Variants in SEMA6B observed in about 807,000 individuals in gnomAD.
SEMA6B encodes the protein semaphorin-6B.
SEMA6B carries 47 observed loss-of-function variants against 78.6 expected under a neutral mutation model. The observed-to-expected ratio is 0.60, with a 90% confidence interval of 0.47 to 0.76. The LOEUF (loss-of-function observed/expected upper bound fraction) is 0.76. SEMA6B is among the 30% of genes least tolerant of loss of function. SEMA6B has a pLI of 0.00. For missense variants in SEMA6B, 1,213 were observed against 1,269.9 expected (o/e 0.96, Z 0.68); for synonymous variants, 632 against 592.2 (o/e 1.07, Z -0.98).
intron 3 of SEMA6B, 123 bp from the exon 4 acceptor site, chr19:4,557,346 G>GCAACTCTAGCAACT: frequency 1.5e-6 from 1 of 685,624 alleles, no homozygotes; most frequent in Non-Finnish European, 2.5e-6. Context: ...CCTCTGACAC[G>GCAACTCTAGCAACT]AGCAACTCTA....
At chr19:4,557,036 AG>A (rs1465585182) in intron 4 of SEMA6B, 23 bp from the exon 5 acceptor site, 1 of 1,610,134 alleles carries the variant, frequency 6.2e-7, no homozygotes, top group Admixed American at 1.7e-5. Context: ...AGAGCTGGTG[AG>A]GGGGTAACGG....
intron 10 of SEMA6B, among the ~76,000 whole-genome samples, chr19:4,551,991 T>A (rs1419158865): frequency 6.6e-6 from 1 of 152,132 alleles, no homozygotes; most frequent in African/African-American, 2.4e-5. Context: ...TCCTACCAGT[T>A]CCCTGCTTTC....
chr19:4,553,520 A>C (rs972538787), intron 9 of SEMA6B, among the ~76,000 whole-genome samples: 21 of 141,334 alleles, frequency 1.5e-4, no homozygotes, highest in Non-Finnish European at 1.5e-4. Context: ...GGGCAGATAA[A>C]TGGATGGATA....
chr19:4,550,361 C>T lies in SEMA6B; in HGVS notation c.1122-89G>A, dbSNP rs572212481. 2.6e-5 allele frequency: 37 copies of T among 1,418,056 alleles called. No individual in the cohort carries two copies. Among genetic ancestry groups the T allele is most frequent in the African/African-American group, 1.3e-4 (8 of 63,030 alleles). 87.8% of individuals were successfully genotyped at this position (1,418,056 alleles called of 1,614,324 possible). ...CAGAGGTACCCATTGCTTTGCCCAA[C>T]GACCCTCAGGTTTTTTGTTTGTTTT... On this transcript the variant is annotated intron_variant, in intron 11 of 16. Transcript: ENST00000586582. The surrounding 1 kb of genome is among the most constrained non-coding windows in gnomAD (Gnocchi z 6.6).
Position 4,550,005 on chromosome 19 carries a change from A to C in SEMA6B, c.1271+118T>G. 1 of 929,106 alleles carries C rather than the reference A, an allele frequency of 1.1e-6. No homozygotes were observed. Among genetic ancestry groups the C allele is most frequent in the Admixed American group, 2.6e-5 (1 of 38,866 alleles). 57.6% of individuals were successfully genotyped at this position (929,106 alleles called of 1,614,324 possible). Reference sequence around the variant, plus strand: ...TCCCTCTCTGTCTCTCTGTGTCTCCAGCTCTCTGGGCAGCGCCGGAAGCCA... The same window carrying C: ...TCCCTCTCTGTCTCTCTGTGTCTCCCGCTCTCTGGGCAGCGCCGGAAGCCA... On this transcript the variant is annotated intron_variant, in intron 12 of 16. Transcript: ENST00000586582. The surrounding 1 kb of genome is among the most constrained non-coding windows in gnomAD (Gnocchi z 6.6).
chr19:4,556,912 T>A (rs759650594), intron 5 of SEMA6B, 39 bp downstream of exon 5: 5 of 1,589,276 alleles, frequency 3.1e-6, no homozygotes. Context: ...ATGCCAGGGC[T>A]GATTCGCAGG....
Position 4,550,374 on chromosome 19 carries a change from T to TTTTTG in SEMA6B, c.1122-103_1122-102insCAAAA, listed in dbSNP as rs1555697636. On this transcript the variant is annotated intron_variant, in intron 11 of 16. Transcript: ENST00000586582. The surrounding 1 kb of genome is among the most constrained non-coding windows in gnomAD (Gnocchi z 6.6). Reference sequence around the variant, plus strand: ...TGCTTTGCCCAACGACCCTCAGGTTTTTTGTTTGTTTTGTTTTTGAGACAG... The same window carrying TTTTTG: ...TGCTTTGCCCAACGACCCTCAGGTTTTTTTGTTTGTTTGTTTTGTTTTTGAGACAG... 111 of 1,245,802 alleles carry TTTTTG rather than the reference T, an allele frequency of 8.9e-5. No individual in the cohort carries two copies. The highest frequency in any genetic ancestry group is 1.2e-4 in the Non-Finnish European group (107 of 887,170). 77.2% of individuals were successfully genotyped at this position (1,245,802 alleles called of 1,614,324 possible).
In SEMA6B at chr19:4,542,810, C is replaced by T. The variant is rs1465294532; in HGVS notation, c.*791G>A. 1 of 701,494 alleles carries T rather than the reference C, an allele frequency of 1.4e-6. No homozygotes were observed. Among genetic ancestry groups the T allele is most frequent in the Non-Finnish European group, 2.6e-6 (1 of 384,764 alleles). The allele number at this position is 701,494 out of a possible 1,614,324, so 43.5% of individuals were successfully genotyped here. On this transcript the variant is annotated 3_prime_UTR_variant, in exon 17 of 17. Coordinates refer to ENST00000586582, the MANE Select transcript of SEMA6B (RefSeq NM_032108.4). ...TCGCCGCCCCCCAGGCCCCCAAGCC[C>T]TTTAGACAGCTGCTGCCGATGTGAC...
intron 8 of SEMA6B, 86 bp from the exon 9 acceptor site, chr19:4,554,562 A>C: frequency 9.6e-7 from 1 of 1,044,884 alleles, no homozygotes; most frequent in Non-Finnish European, 1.5e-6. Flanking sequence ...TTTATGGTGA[A>C]GGGGGGACAT....
chr19:4,550,109 T>C lies in SEMA6B; in HGVS notation c.1271+14A>G. The C allele has an allele frequency of 1.2e-6, 2 of 1,612,302 alleles. No homozygotes were observed. The highest frequency in any genetic ancestry group is 1.7e-6 in the Non-Finnish European group (2 of 1,179,072). ...CTGTCTCCCCTCGCCATGCCCTGCC[T>C]CTCCAGGACCGACCTCATCAGGGTC... On this transcript the variant is annotated intron_variant, in intron 12 of 16. Coordinates refer to ENST00000586582, the MANE Select transcript of SEMA6B (RefSeq NM_032108.4). This position sits in a 1 kb window ranked among gnomAD's most constrained non-coding sequence, Gnocchi z 6.6.
At position 4,552,516 on chromosome 19, in the gene SEMA6B, G is replaced by A; in HGVS notation, c.895C>T (p.His299Tyr). The A allele has an allele frequency of 6.2e-7, 1 of 1,612,800 alleles. No homozygotes were observed. Among genetic ancestry groups the A allele is most frequent in the South Asian group, 1.1e-5 (1 of 91,044 alleles). Residue 299 changes from histidine (H) to tyrosine (Y), a missense_variant, in exon 10 of 17, where the codon CAT becomes TAT. Coordinates refer to ENST00000586582, the MANE Select transcript of SEMA6B (RefSeq NM_032108.4). This position sits in a 1 kb window ranked among gnomAD's most constrained non-coding sequence, Gnocchi z 7.4. ...RLNCSVPGDS[H>Y]FYFNVLQAVT... ...GCCTGCAGCACGTTGAAGTAGAAAT[G>A]GGAGTCTCCGGGTACAGAGCAGTTG...
At chr19:4,548,990 C>CT (rs1244725997) in intron 12 of SEMA6B, among the ~76,000 whole-genome samples, 2 of 150,566 alleles carry the variant, frequency 1.3e-5, no homozygotes, top group African/African-American at 2.4e-5. Flanking sequence ...AGCTGATTTT[C>CT]TTTTTTTTGT....
Position 4,554,416 on chromosome 19 carries a change from A to G in SEMA6B, c.743T>C (p.Ile248Thr), listed in dbSNP as rs1192861122. 1.9e-6 allele frequency: 3 copies of G among 1,613,736 alleles called. No homozygotes were observed. Among genetic ancestry groups the G allele is most frequent in the Admixed American group, 1.7e-5 (1 of 59,980 alleles). ...GSHVYFFFRE[I>T]AMEFNYLEKV... ...CTCCAGGTAGTTAAACTCCATCGCA[A>G]TCTCCCGGAAGAAGAAGTAGACATG... The change falls in exon 9 of 17, where the codon ATT becomes ACT. Residue 248 changes from isoleucine (I) to threonine (T), a missense_variant. By Grantham distance (89) the Ile-to-Thr change is moderately conservative (BLOSUM62 -1). Coordinates refer to ENST00000586582, the MANE Select transcript of SEMA6B (RefSeq NM_032108.4).
chr19:4,543,635 C>T lies in SEMA6B; in HGVS notation c.2633G>A (p.Gly878Glu). 1 of 1,232,860 alleles carries T rather than the reference C, an allele frequency of 8.1e-7. No individual in the cohort carries two copies. Among genetic ancestry groups the T allele is most frequent in the Non-Finnish European group, 1.0e-6 (1 of 988,322 alleles). 76.4% of individuals were successfully genotyped at this position (1,232,860 alleles called of 1,614,324 possible). The change falls in exon 17 of 17, where the codon GGG (glycine) becomes GAG (glutamate). Residue 878 changes from glycine to glutamate, a missense_variant. Physicochemically the swap from Gly to Glu is moderately conservative, Grantham distance 98 (BLOSUM62 -2). Transcript: ENST00000586582. Reference protein sequence around the residue: ...GTDLAHLLPYGGADRTAPPVP With the variant: ...GTDLAHLLPYEGADRTAPPVP ...GGGGGGCGCAGTCCTGTCCGCCCCC[C>T]CATAGGGGAGGAGGTGGGCCAAGTC...
chr19:4,548,534 C>A lies in SEMA6B; in HGVS notation c.1272-89G>T, dbSNP rs116128666. The A allele has an allele frequency of 3.2e-3, 3,719 of 1,179,754 alleles. 90 individuals carry two copies. The African/African-American group carries it at 0.05, about 16-fold the overall frequency. The allele number at this position is 1,179,754 out of a possible 1,614,324, so 73.1% of individuals were successfully genotyped here. On this transcript the variant is annotated intron_variant, in intron 12 of 16. Coordinates refer to ENST00000586582, the MANE Select transcript of SEMA6B (RefSeq NM_032108.4). ...ATGGCCATAGTTACACGGGTGCATA[C>A]AGACACTGACACACCAACACATGTG... is the stretch of plus-strand genomic sequence containing the variant.
chr19:4,543,741 G>A lies in SEMA6B; in HGVS notation c.2527C>T (p.Leu843=), dbSNP rs1293471969. The change falls in exon 17 of 17, where the codon CTG becomes TTG. Residue 843 remains leucine (L), a synonymous_variant. Coordinates refer to ENST00000586582, the MANE Select transcript of SEMA6B (RefSeq NM_032108.4). ...LGPHAPPAAT[L]RRTHTFNSGE... ...CTGTTGAACGTGTGGGTGCGGCGCAGGGTGGCGGCCGGAGGGGCGTGGGGG... is the reference window on the plus strand; with the variant it reads ...CTGTTGAACGTGTGGGTGCGGCGCAAGGTGGCGGCCGGAGGGGCGTGGGGG... 2.0e-5 allele frequency: 25 copies of A among 1,227,492 alleles called. No individual in the cohort carries two copies. The highest frequency in any genetic ancestry group is 2.4e-5 in the Non-Finnish European group (24 of 985,292). 76.0% of individuals were successfully genotyped at this position (1,227,492 alleles called of 1,614,324 possible).
rs780630603 is a variant in SEMA6B, at chr19:4,554,961, C to T, written c.682+15G>A. ...GCCCTGCCAGGTCTGGGCCCACTGC[C>T]CTTCCTGGTCTCACCTTTGAACCAC... is the stretch of plus-strand genomic sequence containing the variant. On this transcript the variant is annotated intron_variant, in intron 8 of 16. Coordinates refer to ENST00000586582, the MANE Select transcript of SEMA6B (RefSeq NM_032108.4). 1.2e-6 allele frequency: 2 copies of T among 1,612,056 alleles called. No individual in the cohort carries two copies. Among genetic ancestry groups the T allele is most frequent in the African/African-American group, 2.7e-5 (2 of 74,888 alleles).
In SEMA6B at chr19:4,555,491, T is replaced by C. The variant is rs374860141; in HGVS notation, c.545A>G (p.Asn182Ser). 1.2e-5 allele frequency: 20 copies of C among 1,612,834 alleles called. No individual in the cohort carries two copies. In the Admixed American group the frequency reaches 1.3e-4, roughly 11 times the overall value. ...GTACTTACCAGAGAAGAGGGCAACA[T>C]TGGCGTGCTTGGGGTCGTACGGGCA... ...ARCPYDPKHA[N>S]VALFSDGMLF... The change falls in exon 7 of 17, where the codon AAT becomes AGT. Residue 182 changes from asparagine (N) to serine (S), a missense_variant. Coordinates refer to ENST00000586582, the MANE Select transcript of SEMA6B (RefSeq NM_032108.4). This position sits in a 1 kb window ranked among gnomAD's most constrained non-coding sequence, Gnocchi z 6.1.
chr19:4,555,169 G>T lies in SEMA6B; in HGVS notation c.563-74C>A. 6.6e-7 allele frequency: 1 copy of T among 1,504,066 alleles called. No homozygotes were observed. The highest frequency in any genetic ancestry group is 9.1e-7 in the Non-Finnish European group (1 of 1,093,638). The allele number at this position is 1,504,066 out of a possible 1,614,324, so 93.2% of individuals were successfully genotyped here. ...CCAGGGGCTGGGTGGGTCGAAACTC[G>T]ATTTTCTGAGACTGAGTCCTGAGCC... is the stretch of plus-strand genomic sequence containing the variant. On this transcript the variant is annotated intron_variant, in intron 7 of 16. Coordinates refer to ENST00000586582, the MANE Select transcript of SEMA6B (RefSeq NM_032108.4). The surrounding 1 kb of genome is among the most constrained non-coding windows in gnomAD (Gnocchi z 6.1).
Sources: allele counts gnomAD v4.1 joint callset (sites outside exome capture counted in the v4.1 genomes callset), GRCh38; gene constraint gnomAD v4.1.1; non-coding constraint Gnocchi (gnomAD v3.1); transcripts MANE v1.5; gene names NCBI Gene and HGNC (gene_info 2026-07-23, HGNC 2026-07-21).